Variants in NTN1 observed in about 807,000 individuals in gnomAD.
NTN1 encodes the protein netrin-1.
Under a neutral mutation model 54.2 loss-of-function variants are expected in NTN1, and 11 were observed. The observed-to-expected ratio is 0.20, with a 90% confidence interval of 0.13 to 0.34. The LOEUF (loss-of-function observed/expected upper bound fraction) is 0.34, where lower values mean the gene tolerates loss of function less well. NTN1 is among the 10% of genes least tolerant of loss of function. NTN1 has a pLI of 1.00. For missense variants in NTN1, 740 were observed against 893.1 expected, an observed-to-expected ratio of 0.83 and a Z score of 2.18; for synonymous variants, 371 against 382.0, an observed-to-expected ratio of 0.97 and a Z score of 0.33.
intron 5 of NTN1, among the ~76,000 whole-genome samples, chr17:9,186,129 C>T (rs1280180315): frequency 6.6e-6 from 1 of 152,184 alleles, no homozygotes; most frequent in Non-Finnish European, 1.5e-5. Context: ...TATTTAGCAA[C>T]TGCCTGGGGC....
chr17:9,167,494 C>T (rs2092376533), intron 3 of NTN1, among the ~76,000 whole-genome samples: 1 of 152,192 alleles, frequency 6.6e-6, no homozygotes, highest in Non-Finnish European at 1.5e-5. Flanking sequence ...CATCCAGCAT[C>T]CCCATACAAA....
intron 5 of NTN1, among the ~76,000 whole-genome samples, chr17:9,185,309 G>A (rs540118979): frequency 4.9e-4 from 74 of 151,958 alleles, no homozygotes; most frequent in African/African-American, 1.7e-3. Flanking sequence ...CCTGGGAAGC[G>A]GGGCCCGGGA....
chr17:9,149,926 G>A (rs2092322598), intron 2 of NTN1, among the ~76,000 whole-genome samples: 1 of 150,402 alleles, frequency 6.6e-6, no homozygotes, highest in Non-Finnish European at 1.5e-5. Context: ...AATTAGCCAG[G>A]CATGGTGGCG....
In NTN1 at chr17:9,046,303, A is replaced by G. The variant is rs181208319; in HGVS notation, c.1018+22912A>G. ...AGCACATTAAAAGATGCACTAAATC[A>G]TTAGCCATCAGGGAACTATAAATCA... On this transcript the variant is annotated intron_variant, in intron 2 of 6. Coordinates refer to ENST00000173229, the MANE Select transcript of NTN1 (RefSeq NM_004822.3). Among the ~76,000 whole-genome samples the G allele has an allele frequency of 7.2e-5, 11 of 152,338 alleles. No homozygotes were observed. The East Asian group carries it at 1.9e-3, about 27-fold the overall frequency.
At chr17:9,039,731 T>G (rs1469400239) in intron 2 of NTN1, among the ~76,000 whole-genome samples, 1 of 152,172 alleles carries the variant, frequency 6.6e-6, no homozygotes, top group African/African-American at 2.4e-5. Context: ...TTTGTGTAAA[T>G]GGAATCATAC....
chr17:9,230,496 G>A (rs772015823), intron 6 of NTN1, among the ~76,000 whole-genome samples: 15 of 151,664 alleles, frequency 9.9e-5, no homozygotes, highest in Non-Finnish European at 1.8e-4. Context: ...TGTGGAGCTG[G>A]GCCCGCGTGA....
At chr17:9,093,425 C>T (rs766743603) in intron 2 of NTN1, among the ~76,000 whole-genome samples, 10 of 152,134 alleles carry the variant, frequency 6.6e-5, no homozygotes, top group African/African-American at 1.9e-4. Flanking sequence ...TGCAGTGGCA[C>T]GATCACAGTT....
intron 2 of NTN1, among the ~76,000 whole-genome samples, chr17:9,101,699 T>G (rs1187738850): frequency 6.6e-6 from 1 of 152,190 alleles, no homozygotes; most frequent in Admixed American, 6.5e-5. Context: ...GATTGTGAAC[T>G]GCACCTAAAA....
chr17:9,130,067 G>C (rs1053786793), intron 2 of NTN1, among the ~76,000 whole-genome samples: 3 of 152,152 alleles, frequency 2.0e-5, no homozygotes, highest in African/African-American at 7.2e-5. Context: ...GAAAGCCATC[G>C]AGGGCTTGCT....
At chr17:9,009,816 G>C in the NTN1 span, among the ~76,000 whole-genome samples, 1 of 152,138 alleles carries the variant, frequency 6.6e-6, no homozygotes, top group Non-Finnish European at 1.5e-5. Flanking sequence ...ATTGAATACA[G>C]CAGGTGTTCC....
chr17:9,011,203 C>T, the NTN1 span, among the ~76,000 whole-genome samples: 1 of 152,166 alleles, frequency 6.6e-6, no homozygotes, highest in Non-Finnish European at 1.5e-5. Flanking sequence ...CTTGCCCTTG[C>T]TCAAGCTGCT....
At chr17:9,200,352 G>A (rs1242916054) in intron 5 of NTN1, among the ~76,000 whole-genome samples, 3 of 152,256 alleles carry the variant, frequency 2.0e-5, no homozygotes, top group East Asian at 1.9e-4. Flanking sequence ...AATGAATGCA[G>A]CGCCCGAATG....
chr17:9,234,675 T>C (rs984912887), intron 6 of NTN1, among the ~76,000 whole-genome samples: 6 of 152,156 alleles, frequency 3.9e-5, no homozygotes, highest in African/African-American at 1.2e-4. Context: ...CCCGCTCACT[T>C]GCAGCAGTCA....
chr17:9,012,435 C>T, the NTN1 span, among the ~76,000 whole-genome samples: 7 of 151,804 alleles, frequency 4.6e-5, 1 homozygote, highest in African/African-American at 1.5e-4. Context: ...CACTTGAACC[C>T]GGGAGGCGGA....
At chr17:9,203,105 T>C (rs1319495259) in intron 5 of NTN1, among the ~76,000 whole-genome samples, 2 of 152,008 alleles carry the variant, frequency 1.3e-5, no homozygotes. Context: ...TTATTTTTAC[T>C]AGAGATGGGG....
At chr17:9,078,795 A>T (rs1200818687) in intron 2 of NTN1, among the ~76,000 whole-genome samples, 1 of 152,220 alleles carries the variant, frequency 6.6e-6, no homozygotes, top group East Asian at 1.9e-4. Context: ...TCAAACAAGT[A>T]TTAGTGAGTC....
At chr17:9,159,240 C>CA (rs1445388180) in intron 2 of NTN1, among the ~76,000 whole-genome samples, 2 of 151,954 alleles carry the variant, frequency 1.3e-5, no homozygotes, top group African/African-American at 4.8e-5. Context: ...AGGCAATGCA[C>CA]AAAAAAGAAA....
intron 2 of NTN1, among the ~76,000 whole-genome samples, chr17:9,105,638 G>T (rs1228030735): frequency 6.6e-6 from 1 of 151,940 alleles, no homozygotes; most frequent in Non-Finnish European, 1.5e-5. Context: ...GGTTCCTTGA[G>T]ATCTGTTCTG....
At chr17:9,130,241 T>C (rs2092260271) in intron 2 of NTN1, among the ~76,000 whole-genome samples, 2 of 152,076 alleles carry the variant, frequency 1.3e-5, no homozygotes, top group African/African-American at 4.8e-5. Context: ...GAGGCTGGTA[T>C]GGGTTTCACT....
Sources: allele counts gnomAD v4.1 joint callset (sites outside exome capture counted in the v4.1 genomes callset), GRCh38; gene constraint gnomAD v4.1.1; transcripts MANE v1.5; gene names NCBI Gene and HGNC (gene_info 2026-07-23, HGNC 2026-07-21).